Variants in SC5D observed in about 807,000 individuals in gnomAD.
SC5D encodes the protein sterol-C5-desaturase.
Under a neutral mutation model 23.9 loss-of-function variants are expected in SC5D, and 21 were observed. The observed-to-expected ratio is 0.88, with a 90% CI of 0.62 to 1.26. The LOEUF is 1.26. SC5D is among the 50% of genes most tolerant of loss of function. The pLI is 0.00. For missense variants in SC5D, 309 were observed against 364.8 expected, an observed-to-expected ratio of 0.85 and a Z score of 1.25; for synonymous variants, 113 against 125.9, an observed-to-expected ratio of 0.90 and a Z score of 0.68.
chr11:121,298,159 C>T (rs959907560), intron 1 of SC5D, among the ~76,000 whole-genome samples: 15 of 152,110 alleles, frequency 9.9e-5, no homozygotes, highest in East Asian at 1.9e-4. Context: ...GCACCACGCC[C>T]GGCTAATTTT....
chr11:121,311,600 T>C lies in SC5D; in HGVS notation c.*4088T>C, dbSNP rs1301122303. 1.3e-5 allele frequency among the ~76,000 whole-genome samples: 2 copies of C among 152,206 alleles called. No homozygotes were observed. Among genetic ancestry groups the C allele is most frequent in the East Asian group, 3.8e-4 (2 of 5,206 alleles). On this transcript the variant is annotated 3_prime_UTR_variant, in exon 5 of 5. Coordinates refer to ENST00000264027, the MANE Select transcript of SC5D (RefSeq NM_006918.5). ...AAAAAAGATCCTCAAAGATATTAGTTGGTTACATCAAGAAAGGACAAACTT... is the reference window on the plus strand; with the variant it reads ...AAAAAAGATCCTCAAAGATATTAGTCGGTTACATCAAGAAAGGACAAACTT...
intron 1 of SC5D, among the ~76,000 whole-genome samples, chr11:121,296,130 C>A (rs1378189751): frequency 6.6e-6 from 1 of 152,166 alleles, no homozygotes; most frequent in Middle Eastern, 3.2e-3. Flanking sequence ...CTCAGCCTCC[C>A]AAAGTGCTGG....
Position 121,308,636 on chromosome 11 carries a change from G to A in SC5D, c.*1124G>A, listed in dbSNP as rs1947986585. The A allele has an allele frequency of 6.6e-6, 1 of 152,636 alleles. No homozygotes were observed. Among genetic ancestry groups the A allele is most frequent in the Non-Finnish European group, 1.5e-5 (1 of 68,036 alleles). The allele number at this position is 152,636 out of a possible 1,614,324, so 9.5% of individuals were successfully genotyped here. On this transcript the variant is annotated 3_prime_UTR_variant, in exon 5 of 5. Transcript: ENST00000264027. ...AATAAAAGTTGATCATAATTAAACT[G>A]TATCAGTTGAGTATTATAGCAGCAC...
chr11:121,304,942 G>A (rs1947953209), intron 3 of SC5D: 1 of 185,338 alleles, frequency 5.4e-6, no homozygotes, highest in African/African-American at 2.4e-5. Flanking sequence ...ATGAAGTCCT[G>A]AGGTGCATAG....
intron 4 of SC5D, 130 bp downstream of exon 4, chr11:121,306,616 A>ATTT (rs1179065120): frequency 2.8e-6 from 2 of 705,380 alleles, no homozygotes; most frequent in Non-Finnish European, 5.2e-6. Flanking sequence ...TAATCATAAC[A>ATTT]GGTACAGGGT....
rs1947994274 is a variant in SC5D, at chr11:121,309,608, C to T, written c.*2096C>T. Among the ~76,000 whole-genome samples, 1 of 152,146 alleles carries T rather than the reference C, an allele frequency of 6.6e-6. No homozygotes were observed. The highest frequency in any genetic ancestry group is 1.5e-5 in the Non-Finnish European group (1 of 68,032). ...TAAAGCTTCCTCTAGATTCTTATTC[C>T]TATATAACTAATAGAGAAGAAAGGA... On this transcript the variant is annotated 3_prime_UTR_variant, in exon 5 of 5. Transcript: ENST00000264027.
At chr11:121,304,276 T>A in intron 2 of SC5D, 85 bp from the exon 3 acceptor site, 1 of 1,317,296 alleles carries the variant, frequency 7.6e-7, no homozygotes, top group Non-Finnish European at 1.1e-6. Flanking sequence ...AAAGAGATTT[T>A]AAAAATCCAG....
chr11:121,307,362 T>G lies in SC5D; in HGVS notation c.750T>G (p.Ile250Met). ...AATATTTCACTTTGTGGGATAGGAT[T>G]GGCGGCTCATTCAAAAATCCTTCAT... ...YGQYFTLWDR[I>M]GGSFKNPSSF... The change falls in exon 5 of 5, where the codon ATT becomes ATG. Residue 250 changes from isoleucine to methionine, a missense_variant. Transcript: ENST00000264027. The G allele has an allele frequency of 3.1e-6, 5 of 1,614,108 alleles. No homozygotes were observed. Among genetic ancestry groups the G allele is most frequent in the Non-Finnish European group, 4.2e-6 (5 of 1,179,974 alleles).
chr11:121,304,891 A>G (rs1218553936), intron 3 of SC5D: 1 of 226,212 alleles, frequency 4.4e-6, no homozygotes, highest in Admixed American at 5.2e-5. Flanking sequence ...ACAACCACCC[A>G]CTTTTCTGTG....
At position 121,311,222 on chromosome 11, in the gene SC5D, A is replaced by T. The variant is rs1346224103; in HGVS notation, c.*3710A>T. 6.6e-6 allele frequency among the ~76,000 whole-genome samples: 1 copy of T among 152,250 alleles called. No individual in the cohort carries two copies. The highest frequency in any genetic ancestry group is 1.9e-4 in the East Asian group (1 of 5,206). Reference sequence around the variant, plus strand: ...TTATTAATAAAATGGCAGAAATGTCATTCTCTTCCATATATGTTTAATAAA... The same window carrying T: ...TTATTAATAAAATGGCAGAAATGTCTTTCTCTTCCATATATGTTTAATAAA... On this transcript the variant is annotated 3_prime_UTR_variant, in exon 5 of 5. Coordinates refer to ENST00000264027, the MANE Select transcript of SC5D (RefSeq NM_006918.5).
intron 1 of SC5D, among the ~76,000 whole-genome samples, chr11:121,301,729 T>G (rs1429394467): frequency 1.3e-5 from 2 of 152,188 alleles, no homozygotes; most frequent in Non-Finnish European, 2.9e-5. Flanking sequence ...AATCATATAC[T>G]TTAGTGAATT....
At position 121,303,364 on chromosome 11, in the gene SC5D, A is replaced by G. The variant is rs1310604633; in HGVS notation, c.-10-2A>G. On this transcript the variant is annotated splice_acceptor_variant, in intron 1 of 4. Transcript: ENST00000264027. LOFTEE classifies it low-confidence loss of function (5UTR_SPLICE). ...TAATTGTCACACATGCTTATTTTTT[A>G]GGGGCTAAGTGATGGATCTTGTACT... 1.2e-6 allele frequency: 2 copies of G among 1,612,786 alleles called. No homozygotes were observed. Among genetic ancestry groups the G allele is most frequent in the Non-Finnish European group, 1.7e-6 (2 of 1,178,960 alleles).
At chr11:121,306,086 C>A in intron 3 of SC5D, 1 of 345,220 alleles carries the variant, frequency 2.9e-6, no homozygotes, top group Non-Finnish European at 5.4e-6. Flanking sequence ...AGTGATGATT[C>A]CCAGAGATTT....
intron 4 of SC5D, chr11:121,306,836 C>T: frequency 1.6e-6 from 1 of 639,750 alleles, no homozygotes; most frequent in Non-Finnish European, 2.8e-6. Context: ...AGCCAGACTT[C>T]ACCACTGTGC....
At position 121,303,674 on chromosome 11, in the gene SC5D, A is replaced by G. The variant is rs780826478; in HGVS notation, c.210+89A>G. The G allele has an allele frequency of 4.5e-5, 49 of 1,092,304 alleles. No homozygotes were observed. The African/African-American group carries it at 7.2e-4, about 16-fold the overall frequency. 67.7% of individuals were successfully genotyped at this position (1,092,304 alleles called of 1,614,324 possible). On this transcript the variant is annotated intron_variant, in intron 2 of 4. Transcript: ENST00000264027. ...GAGATTTTTAGATTAAGCTGATTATATGTAACCATTAAATAAAATTTTGGA... is the reference window on the plus strand; with the variant it reads ...GAGATTTTTAGATTAAGCTGATTATGTGTAACCATTAAATAAAATTTTGGA...
In SC5D at chr11:121,310,161, T is replaced by C. The variant is rs1947998356; in HGVS notation, c.*2649T>C. ...GTAGAGAGGAGGTCTGGGAGAAAGA[T>C]GGAAACTAGGGAGATGACTGAGAAC... On this transcript the variant is annotated 3_prime_UTR_variant, in exon 5 of 5. Coordinates refer to ENST00000264027, the MANE Select transcript of SC5D (RefSeq NM_006918.5). 6.6e-6 allele frequency among the ~76,000 whole-genome samples: 1 copy of C among 152,100 alleles called. No homozygotes were observed. The highest frequency in any genetic ancestry group is 2.4e-5 in the African/African-American group (1 of 41,414).
In SC5D at chr11:121,306,360, C is replaced by A. The variant is rs772757395; in HGVS notation, c.344-26C>A. 4.2e-6 allele frequency: 5 copies of A among 1,202,786 alleles called. No homozygotes were observed. In the African/African-American group the frequency reaches 4.5e-5, roughly 11 times the overall value. The allele number at this position is 1,202,786 out of a possible 1,614,324, so 74.5% of individuals were successfully genotyped here. ...TAATCCCAGGAGCTGAGTTTTGATT[C>A]TTCTGTTTCCCGTTTTCTTTTCTAG... is the stretch of plus-strand genomic sequence containing the variant. On this transcript the variant is annotated intron_variant, in intron 3 of 4. Coordinates refer to ENST00000264027, the MANE Select transcript of SC5D (RefSeq NM_006918.5).
At chr11:121,306,654 G>T in intron 4 of SC5D, 168 bp downstream of exon 4, 3 of 690,872 alleles carry the variant, frequency 4.3e-6, no homozygotes, top group Non-Finnish European at 5.3e-6. Context: ...TTCTTTATGG[G>T]TCTAAGGGGC....
rs574143433 is a variant in SC5D at position 121,301,726 on chromosome 11, T to C, written c.-10-1640T>C. 7.2e-5 allele frequency among the ~76,000 whole-genome samples: 11 copies of C among 152,332 alleles called. No homozygotes were observed. In the South Asian group the frequency reaches 2.3e-3, roughly 32 times the overall value. On this transcript the variant is annotated intron_variant, in intron 1 of 4. Transcript: ENST00000264027. ...AATGCTAAAAAACTAGTCAATCATATACTTTAGTGAATTTTATGGTATGTG... is the reference window on the plus strand; with the variant it reads ...AATGCTAAAAAACTAGTCAATCATACACTTTAGTGAATTTTATGGTATGTG...
Sources: allele counts gnomAD v4.1 joint callset (sites outside exome capture counted in the v4.1 genomes callset), GRCh38; gene constraint gnomAD v4.1.1; transcripts MANE v1.5; gene names NCBI Gene and HGNC (gene_info 2026-07-23, HGNC 2026-07-21).